Variants in ENTREP2 observed in about 807,000 individuals in gnomAD.
ENTREP2 encodes the protein protein ENTREP2.
chr15:29,450,068 G>A, the ENTREP2 span, among the ~76,000 whole-genome samples: 1 of 152,140 alleles, frequency 6.6e-6, no homozygotes, highest in Non-Finnish European at 1.5e-5. Flanking sequence ...GTCTGTTCAT[G>A]TCCTTTGCCC....
the ENTREP2 span, among the ~76,000 whole-genome samples, chr15:29,602,599 G>A: frequency 1.7e-4 from 26 of 152,074 alleles, no homozygotes; most frequent in East Asian, 5.8e-4. Context: ...GTGCAGTGGC[G>A]CGATCTCAGC....
the ENTREP2 span, among the ~76,000 whole-genome samples, chr15:29,626,987 G>C: frequency 6.6e-6 from 1 of 152,024 alleles, no homozygotes; most frequent in South Asian, 2.1e-4. Flanking sequence ...CTTTTTCTTT[G>C]ATTTCTGCTC....
the ENTREP2 span, among the ~76,000 whole-genome samples, chr15:29,586,838 T>C: frequency 1.3e-5 from 2 of 152,212 alleles, no homozygotes; most frequent in Non-Finnish European, 2.9e-5. Context: ...ATTTGGCTAT[T>C]TTTAAAAACG....
chr15:29,306,363 G>A, the ENTREP2 span, among the ~76,000 whole-genome samples: 6 of 152,174 alleles, frequency 3.9e-5, no homozygotes, highest in African/African-American at 1.4e-4. Context: ...GCAAGGCGGT[G>A]CACCTGAATA....
the ENTREP2 span, among the ~76,000 whole-genome samples, chr15:29,657,710 A>G: frequency 6.6e-6 from 1 of 152,072 alleles, no homozygotes. Context: ...GTGAGACAGA[A>G]AAGTTCCTGA....
the ENTREP2 span, among the ~76,000 whole-genome samples, chr15:29,236,427 C>T: frequency 6.6e-6 from 1 of 152,038 alleles, no homozygotes; most frequent in Non-Finnish European, 1.5e-5. Flanking sequence ...GGGAGGATCG[C>T]TGGATTCCAG....
chr15:29,605,319 C>T, the ENTREP2 span, among the ~76,000 whole-genome samples: 1 of 152,140 alleles, frequency 6.6e-6, no homozygotes, highest in Non-Finnish European at 1.5e-5. Flanking sequence ...TATCGAAAGT[C>T]AATTGGCCTC....
At chr15:29,391,645 T>C in the ENTREP2 span, among the ~76,000 whole-genome samples, 2 of 132,140 alleles carry the variant, frequency 1.5e-5, no homozygotes, top group Non-Finnish European at 3.3e-5. Context: ...GGGCCTGCCC[T>C]GTAAGATGCT....
the ENTREP2 span, among the ~76,000 whole-genome samples, chr15:29,393,600 G>A: frequency 1.3e-5 from 2 of 152,122 alleles, no homozygotes; most frequent in Non-Finnish European, 2.9e-5. Flanking sequence ...CTTTTGCAGT[G>A]TATAGTTGTT....
At chr15:29,129,205 A>C in the ENTREP2 span, among the ~76,000 whole-genome samples, 1 of 152,126 alleles carries the variant, frequency 6.6e-6, no homozygotes, top group Non-Finnish European at 1.5e-5. Context: ...CTGGGATTAC[A>C]GGTGTCCACC....
At chr15:29,201,065 T>C in the ENTREP2 span, among the ~76,000 whole-genome samples, 1 of 152,232 alleles carries the variant, frequency 6.6e-6, no homozygotes. Context: ...AGTTCACTAT[T>C]AATACACAAG....
chr15:29,254,244 G>A, the ENTREP2 span, among the ~76,000 whole-genome samples: 3 of 137,772 alleles, frequency 2.2e-5, no homozygotes, highest in East Asian at 6.9e-4. Context: ...GCCTTTCAAT[G>A]TCTTTATGCT....
chr15:29,156,128 G>A, the ENTREP2 span, among the ~76,000 whole-genome samples: 2 of 152,102 alleles, frequency 1.3e-5, no homozygotes, highest in Non-Finnish European at 2.9e-5. Context: ...CTGGGAAAGA[G>A]GTCATACAAC....
the ENTREP2 span, among the ~76,000 whole-genome samples, chr15:29,327,466 G>T: frequency 6.6e-6 from 1 of 151,904 alleles, no homozygotes; most frequent in East Asian, 1.9e-4. Flanking sequence ...GTGCTAGCGG[G>T]CGCCTGTAGT....
the ENTREP2 span, among the ~76,000 whole-genome samples, chr15:29,383,203 T>G: frequency 6.6e-6 from 1 of 152,122 alleles, no homozygotes; most frequent in Non-Finnish European, 1.5e-5. Flanking sequence ...GCCCAGGGCT[T>G]TGCCATGGCC....
chr15:29,169,953 C>G, the ENTREP2 span, among the ~76,000 whole-genome samples: 1 of 152,124 alleles, frequency 6.6e-6, no homozygotes, highest in Non-Finnish European at 1.5e-5. Context: ...ACAGAAAACT[C>G]AATAACATTT....
the ENTREP2 span, among the ~76,000 whole-genome samples, chr15:29,457,349 G>A: frequency 6.6e-6 from 1 of 152,186 alleles, no homozygotes; most frequent in Non-Finnish European, 1.5e-5. Flanking sequence ...GAGCCTCAAC[G>A]TTTAGAAATG....
chr15:29,136,363 C>T, the ENTREP2 span: 2 of 1,500,928 alleles, frequency 1.3e-6, no homozygotes, highest in Non-Finnish European at 1.8e-6. Flanking sequence ...CCCCAGGCCT[C>T]ACCTGGCTGG....
At chr15:29,411,403 ATT>A in the ENTREP2 span, among the ~76,000 whole-genome samples, 1 of 152,064 alleles carries the variant, frequency 6.6e-6, no homozygotes, top group African/African-American at 2.4e-5. Context: ...GGTGTAAACG[ATT>A]TCTCTCCACA....
Sources: allele counts gnomAD v4.1 joint callset (sites outside exome capture counted in the v4.1 genomes callset), GRCh38; gene constraint gnomAD v4.1.1; transcripts MANE v1.5; gene names NCBI Gene and HGNC (gene_info 2026-07-23, HGNC 2026-07-21).